KLF8: variants seen among roughly 807,000 people sequenced by gnomAD.
The protein encoded by KLF8 is Krueppel-like factor 8.
A neutral mutation model predicts 18.2 loss-of-function variants in KLF8; 10 were observed. That is an observed-to-expected ratio of 0.55 (90% CI 0.34 to 0.93). The LOEUF (loss-of-function observed/expected upper bound fraction) is 0.93. Among genes scored for constraint, KLF8 ranks in the 40% least tolerant of loss-of-function variants. The pLI is 0.02. For missense variants in KLF8, 264 were observed against 277.9 expected (o/e 0.95, Z 0.36); for synonymous variants, 109 against 97.3 (o/e 1.12, Z -0.71).
the KLF8 span, among the ~76,000 whole-genome samples, chrX:56,121,650 G>A: frequency 8.9e-6 from 1 of 112,192 alleles, no homozygotes; most frequent in African/African-American, 3.2e-5. Context: ...AAGCCACATG[G>A]CCCATGTTGG....
chrX:56,280,270 G>A (rs1363246479), intron 5 of KLF8, among the ~76,000 whole-genome samples: 1 of 111,474 alleles, frequency 9.0e-6, no homozygotes, highest in Non-Finnish European at 1.9e-5. Context: ...GTCTCACTCT[G>A]TTTCCAATGC....
chrX:56,078,190 T>C, the KLF8 span, among the ~76,000 whole-genome samples: 1 of 111,136 alleles, frequency 9.0e-6, no homozygotes, highest in Non-Finnish European at 1.9e-5. Context: ...TGAATAGGAG[T>C]GGTGAGAGAG....
chrX:56,266,820 A>T, intron 3 of KLF8: 1 of 754,032 alleles, frequency 1.3e-6, no homozygotes, highest in Non-Finnish European at 1.6e-6. Flanking sequence ...TTGAAATTTG[A>T]TGCCCTGTAC....
At chrX:56,129,547 G>A in the KLF8 span, among the ~76,000 whole-genome samples, 2 of 111,433 alleles carry the variant, frequency 1.8e-5, no homozygotes, top group African/African-American at 6.5e-5. Context: ...GGGGAAGCCA[G>A]ATCTGACTTG....
chrX:56,091,648 C>T, the KLF8 span, among the ~76,000 whole-genome samples: 1 of 110,837 alleles, frequency 9.0e-6, no homozygotes, highest in African/African-American at 3.3e-5. Flanking sequence ...AGGTGTGCCA[C>T]CATGCCTGGC....
At chrX:56,108,417 A>G in the KLF8 span, among the ~76,000 whole-genome samples, 1 of 111,740 alleles carries the variant, frequency 8.9e-6, no homozygotes, top group South Asian at 3.7e-4. Flanking sequence ...ATGAAAGTTT[A>G]TTGGATTTTG....
At chrX:56,260,510 T>C (rs2066868694) in intron 2 of KLF8, among the ~76,000 whole-genome samples, 1 of 112,063 alleles carries the variant, frequency 8.9e-6, no homozygotes, top group Non-Finnish European at 1.9e-5. Context: ...TATGCATACA[T>C]ATACATATGT....
At chrX:56,265,957 C>A in intron 3 of KLF8, 1 of 973,667 alleles carries the variant, frequency 1.0e-6, no homozygotes, top group Non-Finnish European at 1.3e-6. Context: ...TACAAGTATG[C>A]ATATCTATCA....
At chrX:56,283,485 C>A (rs1420792615) in intron 5 of KLF8, among the ~76,000 whole-genome samples, 2 of 111,837 alleles carry the variant, frequency 1.8e-5, no homozygotes, top group African/African-American at 6.5e-5. Context: ...CATTCTCCTG[C>A]CTCAGCCTCC....
chrX:56,257,954 C>T (rs1382841697), intron 2 of KLF8, among the ~76,000 whole-genome samples: 2 of 111,941 alleles, frequency 1.8e-5, no homozygotes, highest in African/African-American at 6.5e-5. Flanking sequence ...AAAAATTGTT[C>T]TCAATCATTG....
the KLF8 span, among the ~76,000 whole-genome samples, chrX:56,170,193 C>T: frequency 1.0e-4 from 11 of 110,414 alleles, no homozygotes; most frequent in African/African-American, 3.0e-4. Flanking sequence ...ATTCAAATAC[C>T]TGGAAAGCTT....
chrX:56,040,154 G>A, the KLF8 span, among the ~76,000 whole-genome samples: 58,530 of 109,998 alleles, frequency 0.53, 13,742 homozygotes, highest in East Asian at 0.76. Flanking sequence ...CAAGATACAG[G>A]ATCATGTCAT....
the KLF8 span, among the ~76,000 whole-genome samples, chrX:55,918,741 CGT>C: frequency 1.2e-3 from 131 of 107,500 alleles, 2 homozygotes; most frequent in East Asian, 0.022. Context: ...TGAGCGTGTC[CGT>C]GTGTGTGTGT....
the KLF8 span, among the ~76,000 whole-genome samples, chrX:56,080,289 G>T: frequency 1.8e-5 from 2 of 111,052 alleles, no homozygotes; most frequent in African/African-American, 6.6e-5. Flanking sequence ...GCTGGTACCG[G>T]TTGTTCCTTT....
At chrX:56,037,981 C>G in the KLF8 span, among the ~76,000 whole-genome samples, 1 of 111,669 alleles carries the variant, frequency 9.0e-6, no homozygotes, top group Non-Finnish European at 1.9e-5. Context: ...CAGCCCCTCA[C>G]TATCCAACCC....
chrX:56,143,415 A>G, the KLF8 span, among the ~76,000 whole-genome samples: 105 of 112,048 alleles, frequency 9.4e-4, no homozygotes, highest in African/African-American at 3.3e-3. Context: ...TTATGTGTTT[A>G]TATCTATCTC....
At chrX:56,066,658 G>T in the KLF8 span, among the ~76,000 whole-genome samples, 1 of 111,500 alleles carries the variant, frequency 9.0e-6, no homozygotes, top group Non-Finnish European at 1.9e-5. Context: ...AATCCTGTTG[G>T]CACTAGCCAG....
chrX:56,158,630 A>G, the KLF8 span, among the ~76,000 whole-genome samples: 5 of 111,545 alleles, frequency 4.5e-5, no homozygotes, highest in Non-Finnish European at 7.5e-5. Flanking sequence ...GGATTCCTAG[A>G]TATTTAATTC....
chrX:55,913,283 G>A, the KLF8 span, among the ~76,000 whole-genome samples: 1 of 111,397 alleles, frequency 9.0e-6, no homozygotes, highest in Non-Finnish European at 1.9e-5. Flanking sequence ...CAATCTGTAT[G>A]TCCTTTGCTA....
Sources: allele counts gnomAD v4.1 joint callset (sites outside exome capture counted in the v4.1 genomes callset), GRCh38; gene constraint gnomAD v4.1.1; transcripts MANE v1.5; gene names NCBI Gene and HGNC (gene_info 2026-07-23, HGNC 2026-07-21).